The following BCAS1 variants were observed in gnomAD, a reference collection of about 807,000 sequenced individuals.
The protein encoded by BCAS1 is breast carcinoma-amplified sequence 1.
BCAS1 carries 46 observed loss-of-function variants against 65.4 expected under a neutral mutation model. The observed-to-expected ratio is 0.70, with a 90% CI of 0.55 to 0.90. BCAS1 has a LOEUF of 0.90. BCAS1 is among the 40% of genes least tolerant of loss of function. The pLI is 0.00. For synonymous variants in BCAS1, 298 were observed against 293.5 expected, an observed-to-expected ratio of 1.02 and a Z score of -0.16; for missense variants, 793 against 771.2, an observed-to-expected ratio of 1.03 and a Z score of -0.33.
chr20:53,991,310 C>A (rs1255203146), intron 7 of BCAS1, among the ~76,000 whole-genome samples: 2 of 152,172 alleles, frequency 1.3e-5, no homozygotes, highest in African/African-American at 2.4e-5. Flanking sequence ...ATTCCCCATT[C>A]TTTTCTCTTC....
chr20:54,030,407 C>T (rs1333177294), intron 3 of BCAS1, among the ~76,000 whole-genome samples: 2 of 152,176 alleles, frequency 1.3e-5, no homozygotes, highest in Non-Finnish European at 2.9e-5. Flanking sequence ...ATAATAAGTG[C>T]TTAGTAATTG....
chr20:53,994,568 A>T (rs1297571049), intron 6 of BCAS1, among the ~76,000 whole-genome samples: 1 of 152,190 alleles, frequency 6.6e-6, no homozygotes, highest in Non-Finnish European at 1.5e-5. Context: ...AGAAAACAAA[A>T]ATATAGCAGC....
intron 4 of BCAS1, among the ~76,000 whole-genome samples, chr20:54,009,702 T>C (rs2091280267): frequency 1.3e-5 from 2 of 152,170 alleles, no homozygotes; most frequent in African/African-American, 4.8e-5. Context: ...AGGGAATGCT[T>C]ACTAATTTAT....
In BCAS1 at chr20:54,051,294, T is replaced by C. The variant is rs184406407; in HGVS notation, c.142+6791A>G. ...CCTTCACAATCCACCAAAGTTTGCATGTGAACAAAACAGGGGATCTCTGTA... is the reference window on the plus strand; with the variant it reads ...CCTTCACAATCCACCAAAGTTTGCACGTGAACAAAACAGGGGATCTCTGTA... On this transcript the variant is annotated intron_variant, in intron 3 of 12. Transcript: ENST00000688948. Among the ~76,000 whole-genome samples, 450 of 152,340 alleles carry C rather than the reference T, an allele frequency of 3.0e-3. 2 individuals carry two copies. The highest frequency in any genetic ancestry group is 0.01 in the African/African-American group (423 of 41,574).
At chr20:54,029,013 G>T in intron 3 of BCAS1, 41 bp from the exon 4 acceptor site, 2 of 1,552,578 alleles carry the variant, frequency 1.3e-6, no homozygotes, top group South Asian at 1.2e-5. Context: ...CAGCCAAGCC[G>T]GGAAATTCAG....
chr20:54,057,789 G>A (rs907731148), intron 3 of BCAS1, among the ~76,000 whole-genome samples: 1 of 2,362 alleles, frequency 4.2e-4, no homozygotes, highest in Non-Finnish European at 7.0e-4. Context: ...GGAGGAGATG[G>A]CCATATCTAC....
chr20:54,039,299 A>G (rs935681367), intron 3 of BCAS1, among the ~76,000 whole-genome samples: 7 of 151,574 alleles, frequency 4.6e-5, no homozygotes, highest in African/African-American at 1.7e-4. Flanking sequence ...AAAAGCCAGA[A>G]TGTCTTTGCC....
At chr20:53,947,117 C>T (rs1012865353) in intron 12 of BCAS1, among the ~76,000 whole-genome samples, 6 of 152,102 alleles carry the variant, frequency 3.9e-5, no homozygotes, top group Non-Finnish European at 7.4e-5. Context: ...GGTCTTTGAA[C>T]GCCAGACCTG....
intron 9 of BCAS1, among the ~76,000 whole-genome samples, chr20:53,970,161 T>C (rs2090142938): frequency 6.6e-6 from 1 of 152,242 alleles, no homozygotes; most frequent in Non-Finnish European, 1.5e-5. Flanking sequence ...GCAATAACTC[T>C]GTAAATCAAT....
At position 53,985,435 on chromosome 20, in the gene BCAS1, T is replaced by C. The variant is rs1194571344; in HGVS notation, c.1127A>G (p.Gln376Arg). 1.2e-6 allele frequency: 2 copies of C among 1,614,054 alleles called. No homozygotes were observed. The highest frequency in any genetic ancestry group is 3.3e-5 in the Admixed American group (2 of 60,010). Reference protein sequence around the residue: ...LKSDKANFTSQETQGAGKNSK... With the variant: ...LKSDKANFTSRETQGAGKNSK... Reference sequence around the variant, plus strand: ...ATTCTTGCCAGCCCCTTGGGTCTCCTGGGATGTAAAGTTGGCTTTGTCTGA... The same window carrying C: ...ATTCTTGCCAGCCCCTTGGGTCTCCCGGGATGTAAAGTTGGCTTTGTCTGA... The change falls in exon 8 of 13, where the codon CAG becomes CGG. Residue 376 changes from glutamine to arginine, a missense_variant. Coordinates refer to ENST00000688948, the MANE Select transcript of BCAS1 (RefSeq NM_001366298.2).
intron 3 of BCAS1, among the ~76,000 whole-genome samples, chr20:54,056,701 G>A (rs2092301908): frequency 6.6e-6 from 1 of 152,066 alleles, no homozygotes; most frequent in Admixed American, 6.6e-5. Context: ...TGAGACTAGG[G>A]CATGGAATTT....
rs992207862 is a variant in BCAS1 at position 53,944,834 on chromosome 20, T to A, written c.*88A>T. The stretch of plus-strand genomic sequence containing the variant: ...TCATTTGCTGGCCATCAGAAGAATA[T>A]ATACATGGAGCGTGTTTGGGGAGGA... On this transcript the variant is annotated 3_prime_UTR_variant, in exon 13 of 13. Coordinates refer to ENST00000688948, the MANE Select transcript of BCAS1 (RefSeq NM_001366298.2). 7 of 1,224,030 alleles carry A rather than the reference T, an allele frequency of 5.7e-6. No homozygotes were observed. In the Admixed American group the frequency reaches 1.0e-4, roughly 18 times the overall value. 75.8% of individuals were successfully genotyped at this position (1,224,030 alleles called of 1,614,324 possible).
At chr20:54,020,627 C>T (rs1438397428) in intron 4 of BCAS1, among the ~76,000 whole-genome samples, 1 of 152,192 alleles carries the variant, frequency 6.6e-6, no homozygotes, top group African/African-American at 2.4e-5. Flanking sequence ...CCAACATGTG[C>T]CAGCCATTGT....
intron 4 of BCAS1, among the ~76,000 whole-genome samples, chr20:54,017,541 G>A (rs1052840928): frequency 4.6e-5 from 7 of 151,854 alleles, no homozygotes; most frequent in Non-Finnish European, 2.9e-5. Flanking sequence ...GATTATAGGC[G>A]TGCACCACCA....
chr20:54,021,387 G>T (rs949086271), intron 4 of BCAS1, among the ~76,000 whole-genome samples: 2 of 101,454 alleles, frequency 2.0e-5, no homozygotes, highest in Admixed American at 9.7e-5. Context: ...GTGTGCAATA[G>T]CATTACGTCT....
At position 54,035,559 on chromosome 20, in the gene BCAS1, A is replaced by T. The variant is rs1011818983; in HGVS notation, c.143-6587T>A. On this transcript the variant is annotated intron_variant, in intron 3 of 12. Transcript: ENST00000688948. Reference sequence around the variant, plus strand: ...TATTATTAAAAAGTCAAAAAATAAGATGCTGGTGAGGTAGTGGAGAGAAAG... The same window carrying T: ...TATTATTAAAAAGTCAAAAAATAAGTTGCTGGTGAGGTAGTGGAGAGAAAG... Among the ~76,000 whole-genome samples the T allele has an allele frequency of 2.0e-5, 3 of 151,126 alleles. 1 individual carries two copies. The highest frequency in any genetic ancestry group is 4.4e-5 in the Non-Finnish European group (3 of 67,520).
At chr20:54,054,916 T>C (rs1170408986) in intron 3 of BCAS1, among the ~76,000 whole-genome samples, 1 of 152,232 alleles carries the variant, frequency 6.6e-6, no homozygotes, top group Admixed American at 6.5e-5. Flanking sequence ...AATATGTGCA[T>C]ACATGTATGT....
chr20:53,960,469 TAAAAAAAAAAAA>T (rs11467629), intron 10 of BCAS1, among the ~76,000 whole-genome samples: 2 of 63,114 alleles, frequency 3.2e-5, no homozygotes, highest in South Asian at 9.0e-4. Flanking sequence ...TTCAACTTCT[TAAAAAAAAAAAA>T]AAAAAAAAAA....
chr20:54,044,136 G>C (rs1341663817), intron 3 of BCAS1, among the ~76,000 whole-genome samples: 3 of 152,252 alleles, frequency 2.0e-5, no homozygotes. Flanking sequence ...AATTGTAGGT[G>C]TGTTTATTCT....
Sources: gnomAD v4.1 joint callset for allele counts (sites outside exome capture counted in the v4.1 genomes callset) on GRCh38, gnomAD v4.1.1 for gene constraint, MANE v1.5 for transcripts, NCBI Gene and HGNC (gene_info 2026-07-23, HGNC 2026-07-21) for gene names.